The following TMCC1 variants were observed in gnomAD, a reference collection of about 807,000 sequenced individuals.
TMCC1 encodes the protein transmembrane and coiled-coil domain family 1, also known as transmembrane and coiled-coil domains protein 1.
A neutral mutation model predicts 52.4 loss-of-function variants in TMCC1; 15 were observed. The ratio of observed to expected loss-of-function variants is 0.29; its 90% CI spans 0.19 to 0.44. The LOEUF (loss-of-function observed/expected upper bound fraction) is 0.44, where lower values mean the gene tolerates loss of function less well. Ranked by LOEUF, TMCC1 falls within the 20% of genes least tolerant of loss-of-function variation. The pLI is 1.00. For synonymous variants in TMCC1, 279 were observed against 301.9 expected (o/e 0.92, Z 0.79); for missense variants, 503 against 806.0 (o/e 0.62, Z 4.55).
intron 4 of TMCC1, among the ~76,000 whole-genome samples, chr3:129,675,887 A>C (rs2088387409): frequency 6.6e-6 from 1 of 151,810 alleles, no homozygotes; most frequent in Non-Finnish European, 1.5e-5. Flanking sequence ...AATACAAAAA[A>C]TTAGCTGGGC....
intron 2 of TMCC1, among the ~76,000 whole-genome samples, chr3:129,859,463 C>G (rs1404156819): frequency 6.6e-6 from 1 of 151,914 alleles, no homozygotes; most frequent in African/African-American, 2.4e-5. Flanking sequence ...ATAGCAAGAC[C>G]CCATCTCTAT....
chr3:129,772,739 A>AC (rs1560386193), intron 4 of TMCC1, among the ~76,000 whole-genome samples: 2 of 149,216 alleles, frequency 1.3e-5, no homozygotes, highest in Admixed American at 6.7e-5. Context: ...AAAAAAAAAA[A>AC]AAAAACTGAT....
intron 4 of TMCC1, among the ~76,000 whole-genome samples, chr3:129,784,281 C>CA (rs1355692582): frequency 1.3e-3 from 193 of 150,026 alleles, no homozygotes; most frequent in African/African-American, 4.2e-3. Flanking sequence ...AAGTTACAGG[C>CA]AAAAAAAAAG....
chr3:129,845,685 T>C (rs1560535831), intron 2 of TMCC1, among the ~76,000 whole-genome samples: 2 of 152,112 alleles, frequency 1.3e-5, no homozygotes, highest in Admixed American at 6.5e-5. Flanking sequence ...TAGAAGTACC[T>C]GAGAAAAGGG....
At chr3:129,852,554 G>A (rs1032454448) in intron 2 of TMCC1, among the ~76,000 whole-genome samples, 10 of 148,404 alleles carry the variant, frequency 6.7e-5, no homozygotes, top group South Asian at 2.1e-4. Flanking sequence ...CATAAAATAA[G>A]CCAATCACAA....
intron 4 of TMCC1, among the ~76,000 whole-genome samples, chr3:129,760,182 A>C (rs7428205): frequency 6.6e-6 from 1 of 152,152 alleles, no homozygotes; most frequent in African/African-American, 2.4e-5. Context: ...TTGTTACAAG[A>C]GATAAATCAA....
intron 2 of TMCC1, chr3:129,848,243 A>C (rs2059756947): frequency 6.6e-6 from 1 of 152,188 alleles, no homozygotes; most frequent in Non-Finnish European, 1.5e-5. Flanking sequence ...CCCCAAGGTC[A>C]CTAAGATTTT....
intron 2 of TMCC1, among the ~76,000 whole-genome samples, chr3:129,839,618 T>C (rs552560090): frequency 1.3e-5 from 2 of 152,176 alleles, no homozygotes; most frequent in African/African-American, 4.8e-5. Context: ...TAGCTAGGCA[T>C]GGTGGCACAC....
intron 5 of TMCC1, among the ~76,000 whole-genome samples, 162 bp from the exon 6 acceptor site, chr3:129,655,265 C>T (rs1348144346): frequency 6.6e-5 from 10 of 152,154 alleles, no homozygotes. Flanking sequence ...AGCTCTTAGT[C>T]TCTGGAAAAG....
intron 2 of TMCC1, among the ~76,000 whole-genome samples, chr3:129,841,946 C>A (rs2059439371): frequency 6.6e-6 from 1 of 152,134 alleles, no homozygotes; most frequent in Non-Finnish European, 1.5e-5. Context: ...TTATAGATTA[C>A]CCAGTCTCAG....
intron 4 of TMCC1, among the ~76,000 whole-genome samples, chr3:129,803,460 C>T (rs1211419548): frequency 6.6e-6 from 1 of 152,174 alleles, no homozygotes; most frequent in East Asian, 1.9e-4. Flanking sequence ...CTTAACACTA[C>T]AGCACTGTAT....
intron 4 of TMCC1, among the ~76,000 whole-genome samples, chr3:129,746,345 ATT>A (rs66466206): frequency 1.9e-3 from 274 of 144,742 alleles, no homozygotes; most frequent in Admixed American, 2.0e-3. Flanking sequence ...TCATTTTTGT[ATT>A]TTTTTTTTTT....
chr3:129,716,309 T>C (rs1029661622), intron 4 of TMCC1, among the ~76,000 whole-genome samples: 6 of 149,264 alleles, frequency 4.0e-5, no homozygotes, highest in South Asian at 2.1e-4. Flanking sequence ...ATTATAAGCA[T>C]GAACCACTAC....
In TMCC1 at chr3:129,688,387, G is replaced by A. The variant is rs976342220; in HGVS notation, c.577-17123C>T. 1.0e-5 allele frequency: 10 copies of A among 985,272 alleles called. No individual in the cohort carries two copies. The African/African-American group carries it at 1.4e-4, about 14-fold the overall frequency. The allele number at this position is 985,272 out of a possible 1,614,324, so 61.0% of individuals were successfully genotyped here. ...CACATACTTGGTTTCCGAGAATAAC[G>A]CTGCAAATGAGGACAGCTACCACTG... On this transcript the variant is annotated intron_variant, in intron 4 of 6. Transcript: ENST00000393238.
At chr3:129,760,071 G>C (rs1254266761) in intron 4 of TMCC1, among the ~76,000 whole-genome samples, 1 of 151,264 alleles carries the variant, frequency 6.6e-6, no homozygotes, top group Non-Finnish European at 1.5e-5. Flanking sequence ...ATAGTTTAAG[G>C]TTTACAGAAA....
intron 4 of TMCC1, among the ~76,000 whole-genome samples, chr3:129,690,026 T>C (rs1029395035): frequency 2.0e-5 from 3 of 152,242 alleles, no homozygotes; most frequent in African/African-American, 7.2e-5. Context: ...ACAATCATCC[T>C]TATTGTAGAA....
chr3:129,661,098 G>C (rs973555280), intron 5 of TMCC1, among the ~76,000 whole-genome samples: 1 of 152,220 alleles, frequency 6.6e-6, no homozygotes, highest in African/African-American at 2.4e-5. Flanking sequence ...TTCTCAAGCT[G>C]AGTCTTCCCA....
At chr3:129,664,464 C>T (rs2087290731) in intron 5 of TMCC1, among the ~76,000 whole-genome samples, 1 of 152,244 alleles carries the variant, frequency 6.6e-6, no homozygotes, top group South Asian at 2.1e-4. Flanking sequence ...CTCAGGGTGA[C>T]TGTCTCCTGT....
chr3:129,835,730 G>A (rs2059129936), intron 2 of TMCC1, among the ~76,000 whole-genome samples: 1 of 152,140 alleles, frequency 6.6e-6, no homozygotes, highest in Non-Finnish European at 1.5e-5. Context: ...TACTGCATAT[G>A]CACAGACTAT....
Sources: gnomAD v4.1 joint callset for allele counts (sites outside exome capture counted in the v4.1 genomes callset) on GRCh38, gnomAD v4.1.1 for gene constraint, MANE v1.5 for transcripts, NCBI Gene and HGNC (gene_info 2026-07-23, HGNC 2026-07-21) for gene names.